Variants in FGF14 observed in about 807,000 individuals in gnomAD.
The protein encoded by FGF14 is fibroblast growth factor 14.
FGF14 carries 5 observed loss-of-function variants against 25.5 expected under a neutral mutation model. That is an observed-to-expected ratio of 0.20 (90% CI 0.10 to 0.41). FGF14 has a LOEUF of 0.41. Among genes scored for constraint, FGF14 ranks in the 10% least tolerant of loss-of-function variants. The pLI is 1.00. For missense variants in FGF14, 222 were observed against 320.1 expected (o/e 0.69, Z 2.34); for synonymous variants, 138 against 118.3 (o/e 1.17, Z -1.08).
At chr13:102,051,948 T>C (rs73567782) in intron 1 of FGF14, among the ~76,000 whole-genome samples, 5,084 of 152,192 alleles carry the variant, frequency 0.033, 280 homozygotes, top group African/African-American at 0.11. Context: ...CTTAAAAAAA[T>C]TCACAATAAT....
At chr13:102,291,186 T>C (rs1344440737) in intron 1 of FGF14, among the ~76,000 whole-genome samples, 3 of 152,212 alleles carry the variant, frequency 2.0e-5, no homozygotes, top group Non-Finnish European at 4.4e-5. Flanking sequence ...CCACACGCTG[T>C]TGAAAATATT....
At chr13:101,986,063 C>T (rs1472384867) in intron 1 of FGF14, among the ~76,000 whole-genome samples, 3 of 152,076 alleles carry the variant, frequency 2.0e-5, no homozygotes, top group Admixed American at 6.6e-5. Context: ...GAGAAGAAAA[C>T]ACTGTAAGTT....
intron 3 of FGF14, among the ~76,000 whole-genome samples, chr13:101,838,421 G>C (rs1594433469): frequency 6.6e-6 from 1 of 152,044 alleles, no homozygotes; most frequent in East Asian, 2.0e-4. Flanking sequence ...CAAAGATTTT[G>C]CTCCAGGCAC....
intron 3 of FGF14, among the ~76,000 whole-genome samples, chr13:101,793,454 C>T (rs2040350908): frequency 6.6e-6 from 1 of 151,956 alleles, no homozygotes; most frequent in African/African-American, 2.4e-5. Context: ...ATGTATGTAT[C>T]ACATTGTCTT....
intron 1 of FGF14, among the ~76,000 whole-genome samples, chr13:102,029,233 G>A (rs1290688026): frequency 4.6e-5 from 7 of 152,032 alleles, no homozygotes; most frequent in Admixed American, 2.6e-4. Flanking sequence ...ACGTTCTTAT[G>A]TTTTAAAAGC....
intron 3 of FGF14, among the ~76,000 whole-genome samples, chr13:101,744,335 C>T (rs1415381020): frequency 6.6e-6 from 1 of 152,054 alleles, no homozygotes; most frequent in African/African-American, 2.4e-5. Flanking sequence ...GTATGTCATA[C>T]AACTCTCGGG....
intron 1 of FGF14, among the ~76,000 whole-genome samples, chr13:102,230,333 C>A (rs2051022124): frequency 6.6e-6 from 1 of 152,188 alleles, no homozygotes; most frequent in South Asian, 2.1e-4. Flanking sequence ...CCTGAAAGAA[C>A]AGACTAAGAC....
intron 1 of FGF14, among the ~76,000 whole-genome samples, chr13:102,008,083 C>T (rs1375673787): frequency 6.6e-6 from 1 of 152,128 alleles, no homozygotes; most frequent in Non-Finnish European, 1.5e-5. Flanking sequence ...AAATTACCAT[C>T]CTCTAGAGAT....
chr13:101,983,124 AG>A (rs1392123355), intron 1 of FGF14, among the ~76,000 whole-genome samples: 1 of 145,694 alleles, frequency 6.9e-6, no homozygotes, highest in African/African-American at 2.8e-5. Context: ...ACTGGTAAAG[AG>A]GCTTTCAGAA....
chr13:102,137,690 T>C (rs548316401), intron 1 of FGF14, among the ~76,000 whole-genome samples: 5 of 152,274 alleles, frequency 3.3e-5, no homozygotes, highest in Non-Finnish European at 7.3e-5. Flanking sequence ...GAATGAATTG[T>C]AGTCATGACA....
chr13:101,998,545 G>C (rs1275317458), intron 1 of FGF14, among the ~76,000 whole-genome samples: 3 of 151,830 alleles, frequency 2.0e-5, no homozygotes, highest in Non-Finnish European at 4.4e-5. Context: ...GTTCAAATCA[G>C]TTCTTGAAAG....
chr13:101,988,644 G>A (rs1219180316), intron 1 of FGF14, among the ~76,000 whole-genome samples: 1 of 141,680 alleles, frequency 7.1e-6, no homozygotes, highest in East Asian at 2.3e-4. Context: ...CTCATAGGTG[G>A]GAATTGAACA....
chr13:102,202,812 T>C (rs1161596309), intron 1 of FGF14, among the ~76,000 whole-genome samples: 3 of 152,182 alleles, frequency 2.0e-5, no homozygotes, highest in Admixed American at 6.6e-5. Context: ...TCCATGGCAT[T>C]ATTCTGACCA....
At chr13:102,402,189 A>AT (rs754322303), upstream of FGF14, 466 of 158,404 alleles carry the variant, frequency 2.9e-3, 1 homozygote, top group East Asian at 0.029. Flanking sequence ...CCCAGTGTCG[A>AT]TTTTTTTTTA....
chr13:101,779,360 T>G (rs2039346088), intron 3 of FGF14, among the ~76,000 whole-genome samples: 1 of 152,180 alleles, frequency 6.6e-6, no homozygotes, highest in Admixed American at 6.5e-5. Flanking sequence ...TCTTCCTGAT[T>G]TAGAAATCAG....
intron 1 of FGF14, among the ~76,000 whole-genome samples, chr13:102,040,739 T>G (rs751743009): frequency 2.6e-5 from 4 of 152,130 alleles, no homozygotes; most frequent in Non-Finnish European, 4.4e-5. Flanking sequence ...GACATGCATT[T>G]TTGTTACTTT....
At chr13:102,316,061 A>C (rs2056006444) in intron 1 of FGF14, among the ~76,000 whole-genome samples, 1 of 152,332 alleles carries the variant, frequency 6.6e-6, no homozygotes, top group Admixed American at 6.5e-5. Context: ...ATTAGGGGAA[A>C]ATATGTCCTG....
intron 1 of FGF14, among the ~76,000 whole-genome samples, chr13:102,170,898 C>T (rs1375193111): frequency 6.6e-6 from 1 of 152,090 alleles, no homozygotes; most frequent in Non-Finnish European, 1.5e-5. Context: ...ACTTCTGGTG[C>T]AAAATGGTTC....
chr13:102,050,021 A>G (rs951584726), intron 1 of FGF14, among the ~76,000 whole-genome samples: 1 of 152,188 alleles, frequency 6.6e-6, no homozygotes. Context: ...CAGCCCTCCT[A>G]GCAAACTAAT....
Sources: allele counts gnomAD v4.1 joint callset (sites outside exome capture counted in the v4.1 genomes callset), GRCh38; gene constraint gnomAD v4.1.1; transcripts MANE v1.5; gene names NCBI Gene and HGNC (gene_info 2026-07-23, HGNC 2026-07-21).